ADCY8: variants seen among roughly 807,000 people sequenced by gnomAD.
ADCY8 encodes adenylate cyclase type 8.
In ADCY8, 51 loss-of-function variants were observed where a neutral mutation model predicts 119.7. That is an observed-to-expected ratio of 0.43 (90% CI 0.34 to 0.54). The LOEUF (loss-of-function observed/expected upper bound fraction) is 0.54. Ranked by LOEUF, ADCY8 falls within the 20% of genes least tolerant of loss-of-function variation. The pLI is 0.03. For missense variants in ADCY8, 1,383 were observed against 1,598.8 expected (o/e 0.87, Z 2.30); for synonymous variants, 665 against 651.0 (o/e 1.02, Z -0.33).
intron 1 of ADCY8, among the ~76,000 whole-genome samples, chr8:130,997,737 T>A (rs1302591965): frequency 2.0e-5 from 3 of 152,304 alleles, no homozygotes; most frequent in Non-Finnish European, 2.9e-5. Flanking sequence ...AATGTTTTGA[T>A]GGAAATACCA....
intron 16 of ADCY8, among the ~76,000 whole-genome samples, chr8:130,784,899 T>A (rs1815203300): frequency 1.3e-5 from 2 of 152,208 alleles, no homozygotes; most frequent in African/African-American, 4.8e-5. Context: ...AAGGCTTTGC[T>A]TGGGGAGCAT....
At chr8:130,798,454 T>A (rs1240101691) in intron 15 of ADCY8, among the ~76,000 whole-genome samples, 1 of 152,116 alleles carries the variant, frequency 6.6e-6, no homozygotes, top group Non-Finnish European at 1.5e-5. Flanking sequence ...GTGCAGTGTG[T>A]GAGAGCCAGG....
intron 7 of ADCY8, among the ~76,000 whole-genome samples, chr8:130,893,473 C>A (rs931188341): frequency 3.3e-5 from 5 of 152,270 alleles, no homozygotes; most frequent in Admixed American, 2.0e-4. Context: ...GTTGAAATGT[C>A]ATTGGCTGTA....
At chr8:130,871,600 T>C (rs1818359242) in intron 8 of ADCY8, among the ~76,000 whole-genome samples, 1 of 152,210 alleles carries the variant, frequency 6.6e-6, no homozygotes, top group African/African-American at 2.4e-5. Context: ...TTCTATACTT[T>C]CTTCTATGTG....
intron 1 of ADCY8, among the ~76,000 whole-genome samples, chr8:131,013,218 T>A (rs1423161202): frequency 1.3e-5 from 2 of 152,158 alleles, no homozygotes; most frequent in African/African-American, 4.8e-5. Flanking sequence ...GAGACTTTCA[T>A]TTAAATTAAG....
chr8:130,814,213 G>T lies in ADCY8; in HGVS notation c.2769C>A (p.Ala923=). The change falls in exon 14 of 18, where the codon GCC becomes GCA. Residue 923 remains alanine, a synonymous_variant. Coordinates refer to ENST00000286355, the MANE Select transcript of ADCY8 (RefSeq NM_001115.3). ...GTACTCGCCAAAGGAAGTCCAGGCG[G>T]GCTGTGTACTCCAGCTGCAGTACAT... ...FYHGQQLEYT[A]RLDFLWRVQA... is the part of the protein sequence containing the mutation. 6.2e-7 allele frequency: 1 copy of T among 1,614,046 alleles called. No individual in the cohort carries two copies. The highest frequency in any genetic ancestry group is 8.5e-7 in the Non-Finnish European group (1 of 1,180,016).
chr8:130,780,811 C>A lies in ADCY8; in HGVS notation c.3335G>T (p.Gly1112Val). 2 of 1,614,158 alleles carry A rather than the reference C, an allele frequency of 1.2e-6. No individual in the cohort carries two copies. Among genetic ancestry groups the A allele is most frequent in the Non-Finnish European group, 1.7e-6 (2 of 1,180,006 alleles). The change falls in exon 18 of 18, where the codon GGC becomes GTC. Residue 1112 changes from glycine (G) to valine (V), a missense_variant. Physicochemically the swap from Gly to Val is moderately radical, Grantham distance 109 (BLOSUM62 -3). Transcript: ENST00000286355. ...GAKKPQYDIW[G>V]KTVNLASRMD... The stretch of plus-strand genomic sequence containing the variant: ...TCGGCTTGCCAGGTTCACAGTTTTG[C>A]CCCAAATGTCATACTGTGGTTTCTT...
At chr8:130,816,746 C>T (rs1203730395) in intron 13 of ADCY8, among the ~76,000 whole-genome samples, 1 of 152,072 alleles carries the variant, frequency 6.6e-6, no homozygotes, top group African/African-American at 2.4e-5. Flanking sequence ...TTTATTAAAA[C>T]ATTAACATAT....
At chr8:130,866,637 T>C (rs1818133389) in intron 9 of ADCY8, among the ~76,000 whole-genome samples, 1 of 152,190 alleles carries the variant, frequency 6.6e-6, no homozygotes, top group South Asian at 2.1e-4. Flanking sequence ...TCAAAACCTT[T>C]TCTGCAAATT....
intron 1 of ADCY8, among the ~76,000 whole-genome samples, chr8:131,037,505 G>A (rs1031497989): frequency 6.6e-6 from 1 of 152,140 alleles, no homozygotes; most frequent in Admixed American, 6.5e-5. Context: ...TACTTATTAA[G>A]TTTTCTAGTT....
At chr8:131,038,088 A>G (rs1824219280) in intron 1 of ADCY8, among the ~76,000 whole-genome samples, 1 of 152,314 alleles carries the variant, frequency 6.6e-6, no homozygotes, top group Non-Finnish European at 1.5e-5. Flanking sequence ...GCAAAGGAAT[A>G]TAGAACCATT....
Position 131,039,535 on chromosome 8 carries a change from GGA to G in ADCY8, c.797_798del (p.Leu266ProfsTer130). 6.2e-7 allele frequency: 1 copy of G among 1,613,854 alleles called. No individual in the cohort carries two copies. The highest frequency in any genetic ancestry group is 8.5e-7 in the Non-Finnish European group (1 of 1,180,030). On this transcript the variant is annotated frameshift_variant, in exon 1 of 18. Transcript: ENST00000286355. LOFTEE classifies it high-confidence loss of function. The part of the protein sequence containing the change: ...QILAAGLGYG[L>X]LGDGIGYVLF... The stretch of plus-strand genomic sequence containing the variant: ...AGCACGTAGCCTATGCCGTCGCCCA[GGA>G]GCCCGTAGCCGAGGCCTGCTGCCAG...
At chr8:130,819,893 GGTCACTGT>G (rs1345667541) in intron 13 of ADCY8, among the ~76,000 whole-genome samples, 1 of 152,186 alleles carries the variant, frequency 6.6e-6, no homozygotes, top group Non-Finnish European at 1.5e-5. Context: ...CAGTGTCCTG[GGTCACTGT>G]GTTCGTATGC....
chr8:130,998,260 C>T lies in ADCY8; in HGVS notation c.961-7718G>A, dbSNP rs137923536. On this transcript the variant is annotated intron_variant, in intron 1 of 17. Transcript: ENST00000286355. ...AAGTGATGGCACAGGAATAAGACTG[C>T]TAATTTAAAGGGAGTTCAGAGAAGG... Among the ~76,000 whole-genome samples, 778 of 152,180 alleles carry T rather than the reference C, an allele frequency of 5.1e-3. 3 individuals are homozygous for T. Among genetic ancestry groups the T allele is most frequent in the Middle Eastern group, 0.01 (3 of 294 alleles).
At chr8:131,005,961 G>T (rs79559810) in intron 1 of ADCY8, among the ~76,000 whole-genome samples, 1,597 of 152,026 alleles carry the variant, frequency 0.011, 33 homozygotes, top group African/African-American at 0.037. Context: ...ACCACACCTT[G>T]GTGTTTGCAC....
intron 2 of ADCY8, among the ~76,000 whole-genome samples, chr8:130,984,841 G>C (rs1354992023): frequency 6.6e-6 from 1 of 152,166 alleles, no homozygotes; most frequent in Non-Finnish European, 1.5e-5. Context: ...TGTGGGACAT[G>C]CTGATGAGGC....
intron 8 of ADCY8, among the ~76,000 whole-genome samples, chr8:130,869,967 T>TTCCTTC (rs1554610100): frequency 0.02 from 2,689 of 137,450 alleles, 23 homozygotes; most frequent in Non-Finnish European, 0.022. Context: ...TTCTTCCTTC[T>TTCCTTC]TCCTTCTTCC....
chr8:130,900,996 A>G (rs570856956), intron 7 of ADCY8, among the ~76,000 whole-genome samples: 2 of 152,214 alleles, frequency 1.3e-5, no homozygotes, highest in Non-Finnish European at 2.9e-5. Flanking sequence ...AAGTTCTATC[A>G]TCGACGCAGT....
At chr8:131,012,759 G>T (rs1282195834) in intron 1 of ADCY8, among the ~76,000 whole-genome samples, 2 of 152,208 alleles carry the variant, frequency 1.3e-5, no homozygotes, top group Non-Finnish European at 2.9e-5. Flanking sequence ...AACATCCTGG[G>T]AAGGTCATCC....
Sources: gnomAD v4.1 joint callset for allele counts (sites outside exome capture counted in the v4.1 genomes callset) on GRCh38, gnomAD v4.1.1 for gene constraint, MANE v1.5 for transcripts, NCBI Gene and HGNC (gene_info 2026-07-23, HGNC 2026-07-21) for gene names.